Variants in SLC14A2 observed in about 807,000 individuals in gnomAD.
The protein encoded by SLC14A2 is solute carrier family 14 member 2.
SLC14A2 carries 91 observed loss-of-function variants against 104.6 expected under a neutral mutation model. The observed-to-expected ratio is 0.87, with a 90% CI of 0.73 to 1.04. The LOEUF is 1.04. SLC14A2 is among the 50% of genes least tolerant of loss of function. The probability of loss-of-function intolerance (pLI) is 0.00; values close to 1 mark genes in which losing one functional copy is unlikely to be tolerated. For missense variants in SLC14A2, 1,189 were observed against 1,156.0 expected (o/e 1.03, Z -0.41); for synonymous variants, 476 against 466.4 (o/e 1.02, Z -0.27).
Position 45,481,925 on chromosome 18 carries a change from G to A in SLC14A2, c.-124-1308G>A, listed in dbSNP as rs561423706. Among the ~76,000 whole-genome samples the A allele has an allele frequency of 1.2e-4, 19 of 152,244 alleles. No homozygotes were observed. In the East Asian group the frequency reaches 3.7e-3, roughly 29 times the overall value. Reference sequence around the variant, plus strand: ...TCATAGTTTTCAAGATTCAACCTTAGTTTTCTTTCCTGGGTTCTTGTTTGG... The same window carrying A: ...TCATAGTTTTCAAGATTCAACCTTAATTTTCTTTCCTGGGTTCTTGTTTGG... On this transcript the variant is annotated intron_variant, in intron 1 of 20. Coordinates refer to the SLC14A2 transcript ENST00000586448.
intron 1 of SLC14A2, among the ~76,000 whole-genome samples, chr18:45,275,935 A>G (rs1338845102): frequency 6.6e-6 from 1 of 152,246 alleles, no homozygotes; most frequent in Non-Finnish European, 1.5e-5. Flanking sequence ...GAATTAAAGA[A>G]TAAAGGTGCT....
chr18:45,321,150 T>A (rs2085181132), intron 1 of SLC14A2, among the ~76,000 whole-genome samples: 1 of 152,164 alleles, frequency 6.6e-6, no homozygotes, highest in African/African-American at 2.4e-5. Context: ...TCTGGATCCA[T>A]GTTTATAAAG....
chr18:45,260,794 A>G (rs114527133), intron 1 of SLC14A2, among the ~76,000 whole-genome samples: 1,988 of 152,220 alleles, frequency 0.013, 47 homozygotes, highest in African/African-American at 0.045. Context: ...CATTGAATAC[A>G]CATGGTCATA....
At chr18:45,401,521 G>A (rs2086096001) in intron 1 of SLC14A2, among the ~76,000 whole-genome samples, 1 of 152,224 alleles carries the variant, frequency 6.6e-6, no homozygotes, top group South Asian at 2.1e-4. Flanking sequence ...CTGAGGATGG[G>A]AGAGTGATGG....
chr18:45,467,191 A>G (rs545221667), intron 1 of SLC14A2, among the ~76,000 whole-genome samples: 1 of 152,274 alleles, frequency 6.6e-6, no homozygotes, highest in South Asian at 2.1e-4. Context: ...CTTGATTGCA[A>G]TTAACAGATC....
chr18:45,519,188 A>C (rs1210298938), intron 2 of SLC14A2, among the ~76,000 whole-genome samples: 1 of 152,236 alleles, frequency 6.6e-6, no homozygotes, highest in African/African-American at 2.4e-5. Context: ...GTCCATCTGC[A>C]GAGTTATATC....
intron 1 of SLC14A2, among the ~76,000 whole-genome samples, chr18:45,215,637 A>G (rs1275312712): frequency 1.3e-5 from 2 of 152,240 alleles, no homozygotes; most frequent in South Asian, 2.1e-4. Context: ...AGAGATGCTC[A>G]AACATTTTTG....
At chr18:45,590,796 T>G (rs1318961080) in intron 2 of SLC14A2, among the ~76,000 whole-genome samples, 1 of 152,176 alleles carries the variant, frequency 6.6e-6, no homozygotes, top group Non-Finnish European at 1.5e-5. Flanking sequence ...ATTGATTGAG[T>G]GCTTACAGTG....
At chr18:45,620,185 A>C (rs4890290) in intron 1 of SLC14A2, among the ~76,000 whole-genome samples, 136,572 of 152,238 alleles carry the variant, frequency 0.9, 61,379 homozygotes, top group Non-Finnish European at 0.93. Flanking sequence ...GATACATAGG[A>C]TTGAGAAACA....
At chr18:45,488,016 A>C (rs1440637143) in intron 2 of SLC14A2, among the ~76,000 whole-genome samples, 1 of 152,210 alleles carries the variant, frequency 6.6e-6, no homozygotes, top group East Asian at 1.9e-4. Flanking sequence ...TCACTTTTAC[A>C]TGTGAAAAAA....
chr18:45,254,892 A>C (rs2084460296), intron 1 of SLC14A2, among the ~76,000 whole-genome samples: 1 of 152,092 alleles, frequency 6.6e-6, no homozygotes, highest in African/African-American at 2.4e-5. Flanking sequence ...AGGACTTCCC[A>C]ACCCTTCCCT....
chr18:45,446,843 G>A (rs1350228050), intron 1 of SLC14A2, among the ~76,000 whole-genome samples: 1 of 152,138 alleles, frequency 6.6e-6, no homozygotes, highest in African/African-American at 2.4e-5. Flanking sequence ...GACAGAATAG[G>A]AAATGGGAAG....
chr18:45,426,017 T>C (rs1157574496), intron 1 of SLC14A2, among the ~76,000 whole-genome samples: 1 of 152,126 alleles, frequency 6.6e-6, no homozygotes, highest in African/African-American at 2.4e-5. Flanking sequence ...TACATCCTTT[T>C]TGTCATTAAA....
intron 1 of SLC14A2, among the ~76,000 whole-genome samples, chr18:45,347,631 A>T (rs552719330): frequency 6.6e-6 from 1 of 152,278 alleles, no homozygotes; most frequent in African/African-American, 2.4e-5. Flanking sequence ...TGGTTATAAT[A>T]ACTACAGCTT....
chr18:45,644,024 C>T lies in SLC14A2; in HGVS notation c.1215C>T (p.Ala405=). 2 of 1,614,156 alleles carry T rather than the reference C, an allele frequency of 1.2e-6. No individual in the cohort carries two copies. The highest frequency in any genetic ancestry group is 1.7e-6 in the Non-Finnish European group (2 of 1,179,998). Residue 405 remains alanine (A), a synonymous_variant, in exon 10 of 20, where the codon GCC becomes GCT. Coordinates refer to ENST00000255226, the MANE Select transcript of SLC14A2 (RefSeq NM_007163.4). Reference sequence around the variant, plus strand: ...CAGGCACCTGGGCCTTCTGCCTTGCCACCATCATCTTCCTGCTCCTGACGA... The same window carrying T: ...CAGGCACCTGGGCCTTCTGCCTTGCTACCATCATCTTCCTGCTCCTGACGA... ...VPPGTWAFCL[A]TIIFLLLTTN... is the part of the protein sequence containing the mutation.
chr18:45,475,660 T>TGG (rs376138908), intron 1 of SLC14A2, among the ~76,000 whole-genome samples: 1 of 111,386 alleles, frequency 9.0e-6, no homozygotes, highest in Admixed American at 8.6e-5. Context: ...TATATATATA[T>TGG]ATATATATAT....
At chr18:45,554,204 C>T (rs2044096423) in intron 2 of SLC14A2, among the ~76,000 whole-genome samples, 1 of 152,128 alleles carries the variant, frequency 6.6e-6, no homozygotes, top group African/African-American at 2.4e-5. Flanking sequence ...GACAATGTGT[C>T]ACAGTCCCAT....
intron 2 of SLC14A2, among the ~76,000 whole-genome samples, chr18:45,583,843 G>A (rs1042175533): frequency 1.3e-5 from 2 of 152,162 alleles, no homozygotes; most frequent in Non-Finnish European, 2.9e-5. Flanking sequence ...GAAATTGAGA[G>A]GAAAGACACA....
chr18:45,666,911 C>T (rs745593653), intron 12 of SLC14A2, 24 bp from the exon 13 acceptor site: 1 of 1,608,844 alleles, frequency 6.2e-7, no homozygotes, highest in South Asian at 1.1e-5. Flanking sequence ...GTGGGAGACT[C>T]TTGCCTATCT....
Sources: gnomAD v4.1 joint callset for allele counts (sites outside exome capture counted in the v4.1 genomes callset) on GRCh38, gnomAD v4.1.1 for gene constraint, MANE v1.5 for transcripts, NCBI Gene and HGNC (gene_info 2026-07-23, HGNC 2026-07-21) for gene names.